GIP: variants seen among roughly 807,000 people sequenced by gnomAD.
The protein encoded by GIP is glucose-dependent insulinotropic polypeptide.
In GIP, 16 loss-of-function variants were observed where a neutral mutation model predicts 18.1. The observed-to-expected ratio is 0.88, with a 90% CI of 0.60 to 1.34. The LOEUF (loss-of-function observed/expected upper bound fraction) is 1.34. Ranked by LOEUF, GIP falls within the 40% of genes most tolerant of loss-of-function variation. The pLI is 0.00. For missense variants in GIP, 192 were observed against 183.4 expected, an observed-to-expected ratio of 1.05 and a Z score of -0.27; for synonymous variants, 76 against 74.0, an observed-to-expected ratio of 1.03 and a Z score of -0.14.
At chr17:48,965,405 C>G (rs894532013) in intron 2 of GIP, among the ~76,000 whole-genome samples, 15 of 149,988 alleles carry the variant, frequency 1.0e-4, no homozygotes, top group East Asian at 5.9e-4. Context: ...GAGATTGAGA[C>G]CATCCTGGCT....
chr17:48,961,952 A>G, intron 3 of GIP, 133 bp from the exon 4 acceptor site: 2 of 663,426 alleles, frequency 3.0e-6, no homozygotes, highest in Non-Finnish European at 5.4e-6. Context: ...AGTGGTCTTC[A>G]GCTGCCTCCA....
At chr17:48,966,074 A>T (rs1217494341) in intron 2 of GIP, among the ~76,000 whole-genome samples, 1 of 151,954 alleles carries the variant, frequency 6.6e-6, no homozygotes, top group Non-Finnish European at 1.5e-5. Flanking sequence ...CATGGCCAAG[A>T]TGGTGAAACC....
At chr17:48,959,488 G>A (rs1047647232) in intron 5 of GIP, among the ~76,000 whole-genome samples, 2 of 152,066 alleles carry the variant, frequency 1.3e-5, no homozygotes, top group East Asian at 1.9e-4. Context: ...TTTGGTTTCC[G>A]TGCCTCTGTG....
At chr17:48,961,087 G>T (rs531571021) in intron 4 of GIP, 100 bp from the exon 5 acceptor site, 28 of 697,242 alleles carry the variant, frequency 4.0e-5, no homozygotes, top group Admixed American at 9.0e-5. Flanking sequence ...GCCGCGGATG[G>T]GGGGAGGGAG....
Position 48,958,568 on chromosome 17 carries a change from T to C in GIP, c.*139A>G. 1 of 694,076 alleles carries C rather than the reference T, an allele frequency of 1.4e-6. No homozygotes were observed. Among genetic ancestry groups the C allele is most frequent in the South Asian group, 1.6e-5 (1 of 62,652 alleles). The allele number at this position is 694,076 out of a possible 1,614,324, so 43.0% of individuals were successfully genotyped here. On this transcript the variant is annotated 3_prime_UTR_variant, in exon 6 of 6. Coordinates refer to ENST00000357424, the MANE Select transcript of GIP (RefSeq NM_004123.3). ...AACATGCCCTGTTAGTGCTCAGTAG[T>C]CATTTTAATAAATTTTCACAATGGG...
intron 3 of GIP, among the ~76,000 whole-genome samples, 178 bp downstream of exon 3, chr17:48,964,132 C>T (rs1269909445): frequency 1.4e-5 from 2 of 142,282 alleles, no homozygotes; most frequent in South Asian, 2.2e-4. Context: ...TGCACTCCAG[C>T]CTGGGCGAAA....
chr17:48,959,553 A>T (rs2041188168), intron 5 of GIP, among the ~76,000 whole-genome samples: 1 of 152,138 alleles, frequency 6.6e-6, no homozygotes, highest in Non-Finnish European at 1.5e-5. Context: ...TCTTCATAAT[A>T]TTTAGTGCCT....
At chr17:48,967,024 C>G in intron 2 of GIP, 123 bp downstream of exon 2, 2 of 710,634 alleles carry the variant, frequency 2.8e-6, no homozygotes, top group Admixed American at 2.4e-5. Context: ...AGGTATTTCC[C>G]TGGAGCTTCC....
intron 5 of GIP, 116 bp downstream of exon 5, chr17:48,960,770 C>T (rs1598102724): frequency 1.7e-5 from 12 of 706,354 alleles, no homozygotes; most frequent in East Asian, 1.1e-4. Context: ...TTAGTGAAAA[C>T]ACTGAGGTTC....
At position 48,960,894 on chromosome 17, in the gene GIP, G is replaced by T. The variant is rs754481425; in HGVS notation, c.444C>A (p.Cys148Ter). ...ACACCACACTCCCCTACCTGAGCCT[G>T]CAGAGGTTTGTCTGATCCAGCAAGC... ...LACLLDQTNLCRLRSR is the reference protein window; with the variant it reads ...LACLLDQTNL Residue 148 changes from cysteine to a stop codon, truncating the protein, a stop_gained, in exon 5 of 6, where the codon TGC (cysteine) becomes TGA (stop). Coordinates refer to ENST00000357424, the MANE Select transcript of GIP (RefSeq NM_004123.3). LOFTEE classifies it high-confidence loss of function. 38 of 1,591,560 alleles carry T rather than the reference G, an allele frequency of 2.4e-5. No individual in the cohort carries two copies. In the South Asian group the frequency reaches 4.2e-4, roughly 18 times the overall value.
chr17:48,967,181 C>A lies in GIP; in HGVS notation c.52G>T (p.Val18Leu). Residue 18 changes from valine (V) to leucine (L), a missense_variant, in exon 2 of 6, where the codon GTG (valine) becomes TTG (leucine). Transcript: ENST00000357424. ...CCCTCTTTCTTCTCTCCTAGTCCCA[C>A]TGCCAGGAACAGGGACAGCAGCAGC... ...ALLLLSLFLA[V>L]GLGEKKEGHF... 6.2e-7 allele frequency: 1 copy of A among 1,613,936 alleles called. No homozygotes were observed. The highest frequency in any genetic ancestry group is 8.5e-7 in the Non-Finnish European group (1 of 1,179,876).
At chr17:48,964,193 G>T in intron 3 of GIP, 117 bp downstream of exon 3, 1 of 624,604 alleles carries the variant, frequency 1.6e-6, no homozygotes, top group Non-Finnish European at 2.8e-6. Context: ...GAAAAAGAAA[G>T]GTGCCACCTG....
chr17:48,958,975 C>T (rs1020653729), intron 5 of GIP, among the ~76,000 whole-genome samples: 1 of 151,904 alleles, frequency 6.6e-6, no homozygotes, highest in Non-Finnish European at 1.5e-5. Flanking sequence ...CTGCCTCAGC[C>T]TCCCGAGTAG....
At position 48,966,940 on chromosome 17, in the gene GIP, T is replaced by A. The variant is rs1265773783; in HGVS notation, c.86+207A>T. On this transcript the variant is annotated intron_variant, in intron 2 of 5. Coordinates refer to ENST00000357424, the MANE Select transcript of GIP (RefSeq NM_004123.3). ...AGTCCCGCCAGAGATCTAACCATAG[T>A]CTCTCCCACTGTAACAGCAGCACAC... Among the ~76,000 whole-genome samples, 3 of 152,184 alleles carry A rather than the reference T, an allele frequency of 2.0e-5. No individual in the cohort carries two copies. In the South Asian group the frequency reaches 6.2e-4, roughly 32 times the overall value.
At chr17:48,959,737 G>GGAT (rs1386557198) in intron 5 of GIP, among the ~76,000 whole-genome samples, 1 of 146,676 alleles carries the variant, frequency 6.8e-6, no homozygotes, top group Non-Finnish European at 1.5e-5. Flanking sequence ...GCTGAGAACA[G>GGAT]GATGGGCTCA....
rs185757934 is a variant in GIP, at chr17:48,959,756, T to G, written c.453-1040A>C. 4.5e-3 allele frequency among the ~76,000 whole-genome samples: 642 copies of G among 141,158 alleles called. 1 individual carries two copies. The highest frequency in any genetic ancestry group is 7.1e-3 in the Admixed American group (99 of 13,854). The allele number at this position is 141,158 out of a possible 152,430, so 92.6% of individuals were successfully genotyped here. Reference sequence around the variant, plus strand: ...AGAACAGGATGGGCTCAGCTCTGTGTGTAGGGACAGGCAGGACACAGGATG... The same window carrying G: ...AGAACAGGATGGGCTCAGCTCTGTGGGTAGGGACAGGCAGGACACAGGATG... On this transcript the variant is annotated intron_variant, in intron 5 of 5. Transcript: ENST00000357424.
At position 48,965,100 on chromosome 17, in the gene GIP, G is replaced by C. The variant is rs570601887; in HGVS notation, c.87-620C>G. On this transcript the variant is annotated intron_variant, in intron 2 of 5. Transcript: ENST00000357424. ...CTTGCAGTGAGCTGAGATTGCGCCA[G>C]TGCACTCCAGCCTGGGAGACAGAGC... Among the ~76,000 whole-genome samples, 106 of 141,778 alleles carry C rather than the reference G, an allele frequency of 7.5e-4. 1 individual carries two copies. The Middle Eastern group carries it at 0.012, about 16-fold the overall frequency. 93.0% of individuals were successfully genotyped at this position (141,778 alleles called of 152,430 possible).
At chr17:48,962,075 GGT>G (rs1014514767) in intron 3 of GIP, among the ~76,000 whole-genome samples, 1 of 151,892 alleles carries the variant, frequency 6.6e-6, no homozygotes, top group African/African-American at 2.4e-5. Context: ...CATTTTTTTT[GGT>G]GTGTGTGTGA....
chr17:48,960,362 G>C (rs2041193501), intron 5 of GIP, among the ~76,000 whole-genome samples: 1 of 44,388 alleles, frequency 2.3e-5, no homozygotes, highest in South Asian at 1.6e-3. Flanking sequence ...GGTGGGTAGG[G>C]ACAGGCGGGA....
Sources: allele counts gnomAD v4.1 joint callset (sites outside exome capture counted in the v4.1 genomes callset), GRCh38; gene constraint gnomAD v4.1.1; transcripts MANE v1.5; gene names NCBI Gene and HGNC (gene_info 2026-07-23, HGNC 2026-07-21).